The following GTPBP10 variants were observed in gnomAD, a reference collection of about 807,000 sequenced individuals.
GTPBP10 encodes GTP-binding protein 10.
GTPBP10 carries 38 observed loss-of-function variants against 44.8 expected under a neutral mutation model. The observed-to-expected ratio is 0.85, with a 90% confidence interval of 0.65 to 1.11. GTPBP10 has a LOEUF of 1.11. GTPBP10 is among the 50% of genes most tolerant of loss of function. GTPBP10 has a pLI of 0.00. For synonymous variants in GTPBP10, 152 were observed against 150.6 expected, an observed-to-expected ratio of 1.01 and a Z score of -0.07; for missense variants, 462 against 453.7, an observed-to-expected ratio of 1.02 and a Z score of -0.17.
At position 90,385,227 on chromosome 7, in the gene GTPBP10, C is replaced by G. The variant is rs892876601; in HGVS notation, c.*73C>G. 3 of 1,067,412 alleles carry G rather than the reference C, an allele frequency of 2.8e-6. No individual in the cohort carries two copies. The highest frequency in any genetic ancestry group is 3.2e-5 in the African/African-American group (2 of 61,988). 66.1% of individuals were successfully genotyped at this position (1,067,412 alleles called of 1,614,324 possible). A position where few individuals can be genotyped will look rare whatever the true frequency, so the allele number is the denominator to read the frequency against. ...AAGGAAATCCTTTCATCTGTGACAA[C>G]CTGGAGGACATGTTAAGTAAAATAA... On this transcript the variant is annotated 3_prime_UTR_variant, in exon 10 of 10. Coordinates refer to ENST00000222511, the MANE Select transcript of GTPBP10 (RefSeq NM_033107.4).
Position 90,389,991 on chromosome 7 carries a change from A to C in GTPBP10, c.*4837A>C, listed in dbSNP as rs138233300. On this transcript the variant is annotated 3_prime_UTR_variant, in exon 10 of 10. Coordinates refer to ENST00000222511, the MANE Select transcript of GTPBP10 (RefSeq NM_033107.4). ...TATTTTGTAGAGACAGGGTCTTACTATGTTGCCCAGAGTGGTCTTGAACTC... is the reference window on the plus strand; with the variant it reads ...TATTTTGTAGAGACAGGGTCTTACTCTGTTGCCCAGAGTGGTCTTGAACTC... The C allele has an allele frequency of 1.3e-5, 2 of 152,156 alleles. No individual in the cohort carries two copies. Among genetic ancestry groups the C allele is most frequent in the Non-Finnish European group, 2.9e-5 (2 of 68,058 alleles). 9.4% of individuals were successfully genotyped at this position (152,156 alleles called of 1,614,324 possible).
chr7:90,373,906 T>TCATACCTCACTGTAACTTTGAA (rs1796302341), intron 5 of GTPBP10, among the ~76,000 whole-genome samples: 1 of 152,212 alleles, frequency 6.6e-6, no homozygotes, highest in Non-Finnish European at 1.5e-5. Context: ...AGTGGCATGA[T>TCATACCTCACTGTAACTTTGAA]CATACCTCAC....
intron 8 of GTPBP10, chr7:90,378,442 G>A (rs1400705456): frequency 5.6e-6 from 1 of 177,080 alleles, no homozygotes; most frequent in Admixed American, 6.5e-5. Flanking sequence ...ATACTTCCCA[G>A]GTTTTTATCT....
rs536616005 is a variant in GTPBP10 at position 90,388,998 on chromosome 7, A to G, written c.*3844A>G. On this transcript the variant is annotated 3_prime_UTR_variant, in exon 10 of 10. Coordinates refer to ENST00000222511, the MANE Select transcript of GTPBP10 (RefSeq NM_033107.4). ...TAGCTTAAAAATAAAAATTAGTAATATAACTTGTGTAAACCTACACAAAAG... is the reference window on the plus strand; with the variant it reads ...TAGCTTAAAAATAAAAATTAGTAATGTAACTTGTGTAAACCTACACAAAAG... 1.8e-4 allele frequency: 27 copies of G among 152,266 alleles called. No individual in the cohort carries two copies. Among genetic ancestry groups the G allele is most frequent in the Non-Finnish European group, 3.4e-4 (23 of 68,038 alleles). The allele number at this position is 152,266 out of a possible 1,614,324, so 9.4% of individuals were successfully genotyped here. A position where few individuals can be genotyped will look rare whatever the true frequency, so the allele number is the denominator to read the frequency against.
intron 4 of GTPBP10, 116 bp downstream of exon 4, chr7:90,355,346 G>A: frequency 1.5e-6 from 1 of 672,870 alleles, no homozygotes; most frequent in Non-Finnish European, 2.4e-6. Context: ...GAATTTGTGT[G>A]TTGTGTATGT....
intron 1 of GTPBP10, among the ~76,000 whole-genome samples, chr7:90,347,101 C>T (rs1375110921): frequency 6.6e-6 from 1 of 151,888 alleles, no homozygotes; most frequent in Non-Finnish European, 1.5e-5. Context: ...ATGTCCACAG[C>T]CTGTTTTTAT....
chr7:90,371,864 CT>C (rs370241758), intron 4 of GTPBP10, among the ~76,000 whole-genome samples: 2,347 of 151,604 alleles, frequency 0.015, 58 homozygotes, highest in African/African-American at 0.052. Flanking sequence ...AGGTGTTTTT[CT>C]TTTTTTTCTT....
chr7:90,377,654 G>C, intron 7 of GTPBP10, 40 bp downstream of exon 7: 1 of 1,296,308 alleles, frequency 7.7e-7, no homozygotes, highest in South Asian at 1.5e-5. Context: ...CAAATAAATT[G>C]AAAACCAGTG....
chr7:90,363,481 T>G (rs7797605), intron 4 of GTPBP10, among the ~76,000 whole-genome samples: 2,076 of 152,304 alleles, frequency 0.014, 53 homozygotes, highest in African/African-American at 0.045. Context: ...CTTCTGGCTT[T>G]TAGAGTTTCT....
intron 4 of GTPBP10, among the ~76,000 whole-genome samples, chr7:90,366,324 A>G (rs142463693): frequency 3.3e-3 from 496 of 152,180 alleles, no homozygotes; most frequent in Middle Eastern, 6.8e-3. Context: ...CTCTTTTTCT[A>G]TTGAATGGAA....
chr7:90,369,315 G>A (rs759558411), intron 4 of GTPBP10, among the ~76,000 whole-genome samples: 1 of 152,170 alleles, frequency 6.6e-6, no homozygotes, highest in East Asian at 1.9e-4. Context: ...CTGGGAGAAC[G>A]ACTCTCTCTT....
intron 3 of GTPBP10, among the ~76,000 whole-genome samples, 191 bp downstream of exon 3, chr7:90,354,740 C>T (rs1167352269): frequency 6.6e-6 from 1 of 152,098 alleles, no homozygotes; most frequent in Non-Finnish European, 1.5e-5. Flanking sequence ...AAAGATGTTA[C>T]AGTTCTTACT....
rs1409328576 is a variant in GTPBP10, at chr7:90,389,566, T to C, written c.*4412T>C. 1 of 151,962 alleles carries C rather than the reference T, an allele frequency of 6.6e-6. No homozygotes were observed. Among genetic ancestry groups the C allele is most frequent in the Non-Finnish European group, 1.5e-5 (1 of 68,000 alleles). The allele number at this position is 151,962 out of a possible 1,614,324, so 9.4% of individuals were successfully genotyped here. A position where few individuals can be genotyped will look rare whatever the true frequency, so the allele number is the denominator to read the frequency against. ...CACGTCCAGCTAATTTTTGTATTTT[T>C]AGTAGAGACGGGGTTTCACCATGTT... On this transcript the variant is annotated 3_prime_UTR_variant, in exon 10 of 10. Coordinates refer to ENST00000222511, the MANE Select transcript of GTPBP10 (RefSeq NM_033107.4).
At chr7:90,370,177 AT>A (rs1441143617) in intron 4 of GTPBP10, among the ~76,000 whole-genome samples, 1 of 152,178 alleles carries the variant, frequency 6.6e-6, no homozygotes, top group Non-Finnish European at 1.5e-5. Flanking sequence ...TAGAAATATC[AT>A]TTCATCCAGC....
chr7:90,352,392 TA>T (rs755493196), intron 1 of GTPBP10, among the ~76,000 whole-genome samples: 3 of 152,230 alleles, frequency 2.0e-5, no homozygotes, highest in Non-Finnish European at 2.9e-5. Flanking sequence ...GAATTTCAAA[TA>T]TAAGTTAAAT....
intron 4 of GTPBP10, among the ~76,000 whole-genome samples, chr7:90,359,100 A>G (rs1395150541): frequency 3.3e-5 from 5 of 152,176 alleles, no homozygotes; most frequent in Admixed American, 6.5e-5. Context: ...ACGTGCTGAC[A>G]TAGATGTGGG....
At chr7:90,377,943 CTG>C (rs376431052) in intron 7 of GTPBP10, 189 bp from the exon 8 acceptor site, 51 of 506,390 alleles carry the variant, frequency 1.0e-4, no homozygotes, top group African/African-American at 5.8e-4. Context: ...TTATTAATAA[CTG>C]TAATTTTATC....
At chr7:90,374,463 A>C in intron 6 of GTPBP10, 109 bp downstream of exon 6, 1 of 679,274 alleles carries the variant, frequency 1.5e-6, no homozygotes, top group Non-Finnish European at 2.6e-6. Context: ...AGGGGAGAAA[A>C]AGTAACAAGA....
At chr7:90,372,060 T>A (rs1225639936) in intron 4 of GTPBP10, 95 bp from the exon 5 acceptor site, 6 of 702,020 alleles carry the variant, frequency 8.5e-6, no homozygotes, top group African/African-American at 3.6e-5. Flanking sequence ...ATTCTACTTT[T>A]AATCCCAAAT....
Sources: allele counts gnomAD v4.1 joint callset (sites outside exome capture counted in the v4.1 genomes callset), GRCh38; gene constraint gnomAD v4.1.1; transcripts MANE v1.5; gene names NCBI Gene and HGNC (gene_info 2026-07-23, HGNC 2026-07-21).